Variants in TMEM131L observed in about 807,000 individuals in gnomAD.
The protein encoded by TMEM131L is transmembrane 131 like.
A neutral mutation model predicts 192.2 loss-of-function variants in TMEM131L; 54 were observed. The observed-to-expected ratio is 0.28, with a 90% CI of 0.23 to 0.35. The LOEUF (loss-of-function observed/expected upper bound fraction) is 0.35. TMEM131L is among the 10% of genes least tolerant of loss of function. The pLI is 1.00. For missense variants in TMEM131L, 1,888 were observed against 1,972.9 expected (o/e 0.96, Z 0.82); for synonymous variants, 701 against 704.9 (o/e 0.99, Z 0.09).
intron 7 of TMEM131L, among the ~76,000 whole-genome samples, chr4:153,579,517 T>G (rs544422004): frequency 6.6e-6 from 1 of 152,218 alleles, no homozygotes; most frequent in Non-Finnish European, 1.5e-5. Context: ...ATTCTTTTTC[T>G]TAAAAAAAGA....
In TMEM131L at chr4:153,511,965, A is replaced by G. The variant is rs1254338416; in HGVS notation, c.239+38077A>G. 3.9e-5 allele frequency among the ~76,000 whole-genome samples: 6 copies of G among 152,332 alleles called. No individual in the cohort carries two copies. In the East Asian group the frequency reaches 5.8e-4, roughly 15 times the overall value. ...TTTTATGGTTAAATACACAAATTTT[A>G]TTTGCAGAATTTTTGTTGCAGCGTA... On this transcript the variant is annotated intron_variant, in intron 3 of 34. Coordinates refer to ENST00000409959, the MANE Select transcript of TMEM131L (RefSeq NM_001131007.2).
chr4:153,531,365 G>A (rs1188746247), intron 3 of TMEM131L, among the ~76,000 whole-genome samples: 2 of 152,174 alleles, frequency 1.3e-5, no homozygotes, highest in Non-Finnish European at 2.9e-5. Flanking sequence ...TTTTTAAAAG[G>A]GAGGAAGTGT....
At chr4:153,468,016 T>A (rs545716751) in intron 2 of TMEM131L, among the ~76,000 whole-genome samples, 1 of 152,134 alleles carries the variant, frequency 6.6e-6, no homozygotes, top group Non-Finnish European at 1.5e-5. Context: ...CCAAAATGCA[T>A]TTTTTGGGTG....
At chr4:153,535,823 T>C (rs73856903) in intron 3 of TMEM131L, among the ~76,000 whole-genome samples, 1,769 of 152,324 alleles carry the variant, frequency 0.012, 39 homozygotes, top group African/African-American at 0.041. Context: ...ATTTTGGTAT[T>C]TGCCTTCTCA....
chr4:153,521,817 G>A (rs935388743), intron 3 of TMEM131L, among the ~76,000 whole-genome samples: 1 of 149,504 alleles, frequency 6.7e-6, no homozygotes, highest in Non-Finnish European at 1.5e-5. Flanking sequence ...TTCATTTAGC[G>A]TAATGTCTTC....
At chr4:153,587,885 T>G in intron 15 of TMEM131L, 74 bp downstream of exon 15, 1 of 1,005,276 alleles carries the variant, frequency 9.9e-7, no homozygotes, top group South Asian at 1.3e-5. Context: ...AAATTAGCAT[T>G]TGTCAATGGA....
intron 14 of TMEM131L, among the ~76,000 whole-genome samples, chr4:153,587,094 C>T (rs939566906): frequency 3.9e-5 from 6 of 151,952 alleles, no homozygotes; most frequent in Admixed American, 6.6e-5. Context: ...TAGCTGTAAG[C>T]GTACAGATAG....
chr4:153,512,935 T>C (rs1314975789), intron 3 of TMEM131L, among the ~76,000 whole-genome samples: 1 of 152,240 alleles, frequency 6.6e-6, no homozygotes, highest in African/African-American at 2.4e-5. Flanking sequence ...GGTGTTATTT[T>C]ACATGTGCAG....
chr4:153,466,515 G>A lies in TMEM131L; in HGVS notation c.118G>A (p.Gly40Arg). 4.3e-6 allele frequency: 6 copies of A among 1,388,156 alleles called. No homozygotes were observed. Among genetic ancestry groups the A allele is most frequent in the Non-Finnish European group, 5.6e-6 (6 of 1,062,596 alleles). 86.0% of individuals were successfully genotyped at this position (1,388,156 alleles called of 1,614,324 possible). A position where few individuals can be genotyped will look rare whatever the true frequency, so the allele number is the denominator to read the frequency against. Residue 40 changes from glycine to arginine, a missense_variant, in exon 1 of 35, where the codon GGA (glycine) becomes AGA (arginine). Coordinates refer to ENST00000409959, the MANE Select transcript of TMEM131L (RefSeq NM_001131007.2). ...CTGCTGTCGCCCGGGAGGGGCTCAG[G>A]GACAAGGTCAGCCTTGCGCCGCTGG... Reference protein sequence around the residue: ...LPCCRPGGAQGQAIEPLPNVV... With the variant: ...LPCCRPGGAQRQAIEPLPNVV...
intron 3 of TMEM131L, among the ~76,000 whole-genome samples, chr4:153,483,703 A>G (rs1732107130): frequency 6.6e-6 from 1 of 152,186 alleles, no homozygotes; most frequent in African/African-American, 2.4e-5. Flanking sequence ...AAAATAAAAA[A>G]AGGCTATGAG....
In TMEM131L at chr4:153,604,339, G is replaced by A. The variant is rs1732065845; in HGVS notation, c.3327G>A (p.Lys1109=). The A allele has an allele frequency of 1.2e-6, 2 of 1,614,080 alleles. No homozygotes were observed. Among genetic ancestry groups the A allele is most frequent in the Non-Finnish European group, 1.7e-6 (2 of 1,180,004 alleles). The change falls in exon 25 of 35, where the codon AAG becomes AAA. Residue 1109 remains lysine, a synonymous_variant. Transcript: ENST00000409959. ...AGGAACGGGAGCTCTGTCCACTGAAGACCTCCAAGAAACTACCTGAAAACC... is the reference window on the plus strand; with the variant it reads ...AGGAACGGGAGCTCTGTCCACTGAAAACCTCCAAGAAACTACCTGAAAACC... ...EFKERELCPL[K]TSKKLPENHL...
intron 19 of TMEM131L, among the ~76,000 whole-genome samples, chr4:153,594,294 GT>G (rs1173196631): frequency 6.6e-6 from 1 of 152,126 alleles, no homozygotes; most frequent in Non-Finnish European, 1.5e-5. Flanking sequence ...CCCAATTTCT[GT>G]GATGTTTACC....
At chr4:153,527,774 C>T (rs1386518783) in intron 3 of TMEM131L, among the ~76,000 whole-genome samples, 2 of 152,162 alleles carry the variant, frequency 1.3e-5, no homozygotes, top group African/African-American at 4.8e-5. Flanking sequence ...CACGTTTTAC[C>T]TGGCAGCGTG....
intron 3 of TMEM131L, among the ~76,000 whole-genome samples, chr4:153,516,716 G>A (rs1341771885): frequency 6.6e-6 from 1 of 152,120 alleles, no homozygotes; most frequent in Admixed American, 6.6e-5. Flanking sequence ...CCTCCAGAAA[G>A]GTTGTTTCAG....
At position 153,635,484 on chromosome 4, in the gene TMEM131L, C is replaced by T. The variant is rs775631055; in HGVS notation, c.4470C>T (p.Asp1490=). ...CCTGTCCTGCAGATGTTCAGACAGACTTTATTGATCACAACTCTCAGTCTA... is the reference window on the plus strand; with the variant it reads ...CCTGTCCTGCAGATGTTCAGACAGATTTTATTGATCACAACTCTCAGTCTA... ...GFPCPADVQT[D]FIDHNSQSTW... The change falls in exon 34 of 35, where the codon GAC becomes GAT. Residue 1490 remains aspartate, a synonymous_variant. Transcript: ENST00000409959. The T allele has an allele frequency of 1.2e-5, 20 of 1,614,024 alleles. No homozygotes were observed. In the Admixed American group the frequency reaches 3.2e-4, roughly 26 times the overall value.
rs1319861034 is a variant in TMEM131L at position 153,602,228 on chromosome 4, T to G, written c.2343T>G (p.Thr781=). The change falls in exon 22 of 35, where the codon ACT becomes ACG. Residue 781 remains threonine, a synonymous_variant. Coordinates refer to ENST00000409959, the MANE Select transcript of TMEM131L (RefSeq NM_001131007.2). The part of the protein sequence containing the change: ...KVENIGPLPI[T]VSSLKINGYN... ...AGAATATTGGACCTCTTCCTATAAC[T>G]GTTTCGTCTCTGAAAATTAATGGGT... The G allele has an allele frequency of 3.1e-6, 5 of 1,613,244 alleles. No individual in the cohort carries two copies. Among genetic ancestry groups the G allele is most frequent in the Non-Finnish European group, 4.2e-6 (5 of 1,179,546 alleles).
In TMEM131L at chr4:153,583,571, G is replaced by C; in HGVS notation, c.959G>C (p.Arg320Pro). Reference protein sequence around the residue: ...GNSLIWIQDIRHFSQRDALSL... With the variant: ...GNSLIWIQDIPHFSQRDALSL... ...ACTTTTCTTTTATTTCAGGATATACGCCATTTCTCACAGAGAGATGCTCTG... is the reference window on the plus strand; with the variant it reads ...ACTTTTCTTTTATTTCAGGATATACCCCATTTCTCACAGAGAGATGCTCTG... The change falls in exon 11 of 35, where the codon CGC becomes CCC. Residue 320 changes from arginine (R) to proline (P), a missense_variant. Physicochemically the swap from Arg to Pro is moderately radical, Grantham distance 103. Coordinates refer to ENST00000409959, the MANE Select transcript of TMEM131L (RefSeq NM_001131007.2). 1 of 1,604,368 alleles carries C rather than the reference G, an allele frequency of 6.2e-7. No individual in the cohort carries two copies. Among genetic ancestry groups the C allele is most frequent in the East Asian group, 2.2e-5 (1 of 44,816 alleles).
At chr4:153,593,615 G>A (rs2150863137) in intron 18 of TMEM131L, among the ~76,000 whole-genome samples, 184 bp from the exon 19 acceptor site, 1 of 149,502 alleles carries the variant, frequency 6.7e-6, no homozygotes, top group South Asian at 2.1e-4. Context: ...GTGGGAATGT[G>A]GGGTGGAGCT....
At chr4:153,528,007 GCAGGTTCTTTTCCTCAC>G (rs1319345631) in intron 3 of TMEM131L, among the ~76,000 whole-genome samples, 1 of 152,188 alleles carries the variant, frequency 6.6e-6, no homozygotes, top group African/African-American at 2.4e-5. Flanking sequence ...CATTAACTGA[GCAGGTTCTTTTCCTCAC>G]CGTCTGGTCT....
Sources: allele counts gnomAD v4.1 joint callset (sites outside exome capture counted in the v4.1 genomes callset), GRCh38; gene constraint gnomAD v4.1.1; transcripts MANE v1.5; gene names NCBI Gene and HGNC (gene_info 2026-07-23, HGNC 2026-07-21).